C4orf33: variants seen among roughly 807,000 people sequenced by gnomAD.
C4orf33 encodes the protein chromosome 4 open reading frame 33.
A neutral mutation model predicts 24.3 loss-of-function variants in C4orf33; 20 were observed. That is an observed-to-expected ratio of 0.82 (90% CI 0.58 to 1.19). C4orf33 has a LOEUF of 1.19. C4orf33 is among the 50% of genes most tolerant of loss of function. The pLI, the probability that C4orf33 is intolerant of heterozygous loss-of-function variation, is 0.00. For missense variants in C4orf33, 207 were observed against 225.9 expected (o/e 0.92, Z 0.54); for synonymous variants, 67 against 76.4 (o/e 0.88, Z 0.64).
At chr4:129,099,638 G>A (rs1164408124) in intron 1 of C4orf33, among the ~76,000 whole-genome samples, 2 of 152,178 alleles carry the variant, frequency 1.3e-5, no homozygotes, top group African/African-American at 4.8e-5. Context: ...GCAGTGTATA[G>A]GTTAATAGAG....
Position 129,112,708 on chromosome 4 carries a change from C to T in C4orf33, c.*917C>T, listed in dbSNP as rs1422468148. On this transcript the variant is annotated 3_prime_UTR_variant, in exon 6 of 6. Transcript: ENST00000425929. ...AGTTTACATTGAGTTTATATGTTTCCATTGAACAATCACTAGTGATGGTTA... is the reference window on the plus strand; with the variant it reads ...AGTTTACATTGAGTTTATATGTTTCTATTGAACAATCACTAGTGATGGTTA... 1.3e-5 allele frequency: 2 copies of T among 151,944 alleles called. No homozygotes were observed. The highest frequency in any genetic ancestry group is 2.9e-5 in the Non-Finnish European group (2 of 67,946). The allele number at this position is 151,944 out of a possible 1,614,324, so 9.4% of individuals were successfully genotyped here.
At chr4:129,107,864 A>G (rs1325873399) in intron 3 of C4orf33, among the ~76,000 whole-genome samples, 2 of 152,132 alleles carry the variant, frequency 1.3e-5, no homozygotes, top group African/African-American at 4.8e-5. Context: ...GTTCATTTTC[A>G]TAAAGTGATG....
intron 1 of C4orf33, among the ~76,000 whole-genome samples, chr4:129,096,922 T>TA (rs1477513195): frequency 2.0e-5 from 3 of 152,082 alleles, no homozygotes; most frequent in East Asian, 1.9e-4. Context: ...AATATATATA[T>TA]TTTTTTGAGA....
Position 129,111,548 on chromosome 4 carries a change from A to G in C4orf33, c.495-138A>G. ...GCTAGAGTGAGAAAACTGTACATAT[A>G]AAATATATCTTACCTTTAGTATTGC... On this transcript the variant is annotated intron_variant, in intron 5 of 5. Coordinates refer to ENST00000425929, the MANE Select transcript of C4orf33 (RefSeq NM_001099783.2). 7.7e-6 allele frequency: 4 copies of G among 522,168 alleles called. No individual in the cohort carries two copies. The East Asian group carries it at 9.3e-5, about 12-fold the overall frequency. The allele number at this position is 522,168 out of a possible 1,614,324, so 32.3% of individuals were successfully genotyped here.
At position 129,111,715 on chromosome 4, in the gene C4orf33, A is replaced by G. The variant is rs765030919; in HGVS notation, c.524A>G (p.Asn175Ser). 1.8e-5 allele frequency: 29 copies of G among 1,612,618 alleles called. No homozygotes were observed. In the East Asian group the frequency reaches 3.3e-4, roughly 19 times the overall value. ...FHCLEYFKSFNFNTLLGEEWK... is the reference protein window; with the variant it reads ...FHCLEYFKSFSFNTLLGEEWK... ...TGCCTAGAATACTTCAAGTCTTTCA[A>G]TTTTAACACACTGCTTGGAGAAGAG... The change falls in exon 6 of 6, where the codon AAT becomes AGT. Residue 175 changes from asparagine (N) to serine (S), a missense_variant. Asn to Ser is a conservative substitution (Grantham distance 46). Transcript: ENST00000425929.
chr4:129,103,307 C>A (rs1382499738), intron 2 of C4orf33, among the ~76,000 whole-genome samples: 1 of 152,120 alleles, frequency 6.6e-6, no homozygotes, highest in African/African-American at 2.4e-5. Flanking sequence ...GCGTGAGCCA[C>A]CTTGCCTGGC....
At chr4:129,110,385 C>A (rs1447191622) in intron 5 of C4orf33, among the ~76,000 whole-genome samples, 1 of 152,152 alleles carries the variant, frequency 6.6e-6, no homozygotes. Flanking sequence ...TTTCCTTGCA[C>A]CTGTAGCTCT....
upstream of C4orf33, among the ~76,000 whole-genome samples, chr4:129,095,038 T>C (rs2068136): frequency 0.031 from 4,678 of 152,344 alleles, 93 homozygotes; most frequent in South Asian, 0.051. Context: ...ATAAAGTGAA[T>C]ATCTCAGGTG....
rs1580021550 is a variant in C4orf33 at position 129,112,763 on chromosome 4, A to G, written c.*972A>G. The G allele has an allele frequency of 6.6e-6, 1 of 152,140 alleles. No individual in the cohort carries two copies. The highest frequency in any genetic ancestry group is 1.9e-4 in the East Asian group (1 of 5,204). The allele number at this position is 152,140 out of a possible 1,614,324, so 9.4% of individuals were successfully genotyped here. ...TGGCTTATCGACTTACTCATTTCTT[A>G]TATATGTTCTCTATCTAAAAAGAGA... is the stretch of plus-strand genomic sequence containing the variant. On this transcript the variant is annotated 3_prime_UTR_variant, in exon 6 of 6. Coordinates refer to ENST00000425929, the MANE Select transcript of C4orf33 (RefSeq NM_001099783.2).
chr4:129,114,195 G>T lies in C4orf33; in HGVS notation c.*2404G>T, dbSNP rs1753740063. On this transcript the variant is annotated 3_prime_UTR_variant, in exon 6 of 6. Coordinates refer to ENST00000425929, the MANE Select transcript of C4orf33 (RefSeq NM_001099783.2). Reference sequence around the variant, plus strand: ...CCTCTGCTGTGTGGAACACTTGCAGGAACCCATTTAGCCATTCTCTCACAT... The same window carrying T: ...CCTCTGCTGTGTGGAACACTTGCAGTAACCCATTTAGCCATTCTCTCACAT... The T allele has an allele frequency of 6.6e-6, 1 of 152,172 alleles. No individual in the cohort carries two copies. The highest frequency in any genetic ancestry group is 2.4e-5 in the African/African-American group (1 of 41,416). 9.4% of individuals were successfully genotyped at this position (152,172 alleles called of 1,614,324 possible).
rs1753630073 is a variant in C4orf33, at chr4:129,109,676, A to C, written c.494+4A>C. ...AGCAAGGACAAAAACCTGATTTGTA[A>C]GTAGAAAATAAATGAAGATATGTTC... On this transcript the variant is annotated splice_donor_region_variant and intron_variant, in intron 5 of 5. Coordinates refer to ENST00000425929, the MANE Select transcript of C4orf33 (RefSeq NM_001099783.2). 6.2e-6 allele frequency: 10 copies of C among 1,609,476 alleles called. No homozygotes were observed. Among genetic ancestry groups the C allele is most frequent in the Non-Finnish European group, 8.5e-6 (10 of 1,177,156 alleles).
chr4:129,096,301 A>G (rs1187743782), intron 1 of C4orf33, 92 bp downstream of exon 1: 1 of 152,142 alleles, frequency 6.6e-6, no homozygotes, highest in East Asian at 1.9e-4. Context: ...AAAATACTGA[A>G]AAGTATTTTA....
At chr4:129,108,056 A>G (rs1212810669) in intron 3 of C4orf33, among the ~76,000 whole-genome samples, 1 of 152,136 alleles carries the variant, frequency 6.6e-6, no homozygotes, top group Non-Finnish European at 1.5e-5. Context: ...CATTTCCTGT[A>G]ACAGTTTATT....
intron 1 of C4orf33, among the ~76,000 whole-genome samples, chr4:129,096,657 T>C (rs1176002288): frequency 6.6e-6 from 1 of 152,178 alleles, no homozygotes; most frequent in East Asian, 1.9e-4. Context: ...ATCAGAACAA[T>C]TGAAAATTTA....
intron 2 of C4orf33, among the ~76,000 whole-genome samples, chr4:129,104,671 T>C (rs556199620): frequency 1.3e-5 from 2 of 152,324 alleles, no homozygotes; most frequent in South Asian, 4.1e-4. Context: ...ATTCTTCACC[T>C]AGTTCCAAAT....
rs1753697658 is a variant in C4orf33, at chr4:129,111,763, T to A, written c.572T>A (p.Leu191Gln). Residue 191 changes from leucine (L) to glutamine (Q), a missense_variant, in exon 6 of 6, where the codon CTG becomes CAG. By Grantham distance (113) the Leu-to-Gln change is moderately radical. Transcript: ENST00000425929. The stretch of plus-strand genomic sequence containing the variant: ...GAGTGGAAACAACCGGAATCAGACC[T>A]GTGGCTAATAGAGAAATGTGATATA... ...GEEWKQPESD[L>Q]WLIEKCDI The A allele has an allele frequency of 1.9e-6, 3 of 1,610,434 alleles. No individual in the cohort carries two copies. The highest frequency in any genetic ancestry group is 2.2e-5 in the South Asian group (2 of 90,882).
chr4:129,101,520 C>T (rs1472506132), intron 1 of C4orf33, among the ~76,000 whole-genome samples: 3 of 152,038 alleles, frequency 2.0e-5, no homozygotes, highest in African/African-American at 7.3e-5. Flanking sequence ...CACCTCTTTG[C>T]AGATTCCTGA....
rs544623736 is a variant in C4orf33, at chr4:129,103,629, C to T, written c.181+838C>T. On this transcript the variant is annotated intron_variant, in intron 2 of 5. Transcript: ENST00000425929. ...TGTATCCTAATTAAGCTATCAGATT[C>T]ATCTTTCTGAAATACTCTTCATGAT... Among the ~76,000 whole-genome samples, 6 of 152,270 alleles carry T rather than the reference C, an allele frequency of 3.9e-5. No homozygotes were observed. The East Asian group carries it at 1.2e-3, about 29-fold the overall frequency.
At chr4:129,100,938 T>A (rs1428209886) in intron 1 of C4orf33, among the ~76,000 whole-genome samples, 1 of 152,160 alleles carries the variant, frequency 6.6e-6, no homozygotes, top group Non-Finnish European at 1.5e-5. Context: ...AGAATGTGCT[T>A]TGATGTTTCA....
Sources: gnomAD v4.1 joint callset for allele counts (sites outside exome capture counted in the v4.1 genomes callset) on GRCh38, gnomAD v4.1.1 for gene constraint, MANE v1.5 for transcripts, NCBI Gene and HGNC (gene_info 2026-07-23, HGNC 2026-07-21) for gene names.